Variants in ZNF28 observed in about 807,000 individuals in gnomAD.
ZNF28 encodes zinc finger protein KOX24.
ZNF28 carries 5 observed loss-of-function variants against 7.2 expected under a neutral mutation model. That is an observed-to-expected ratio of 0.70 (90% CI 0.36 to 1.46). The LOEUF (loss-of-function observed/expected upper bound fraction) is 1.46. Ranked by LOEUF, ZNF28 falls within the 40% of genes most tolerant of loss-of-function variation. The probability of loss-of-function intolerance (pLI) is 0.03; values close to 1 mark genes in which losing one functional copy is unlikely to be tolerated. For synonymous variants in ZNF28, 288 were observed against 292.4 expected (o/e 0.99, Z 0.15); for missense variants, 879 against 866.6 (o/e 1.01, Z -0.18).
Position 52,801,309 on chromosome 19 carries a change from C to A in ZNF28, c.536G>T (p.Arg179Ile). 1.9e-6 allele frequency: 3 copies of A among 1,614,076 alleles called. No homozygotes were observed. Among genetic ancestry groups the A allele is most frequent in the Non-Finnish European group, 2.5e-6 (3 of 1,180,004 alleles). ...ATGGGTTTTGGGCCTACAACAAATT[C>A]TTTGGGATGTTGAAACTGAGGAAGC... Reference protein sequence around the residue: ...NNASSVSTSQRICCRPKTHIS... With the variant: ...NNASSVSTSQIICCRPKTHIS... The change falls in exon 4 of 4, where the codon AGA becomes ATA. Residue 179 changes from arginine to isoleucine, a missense_variant. Arg to Ile is a moderately conservative substitution (Grantham distance 97). Coordinates refer to ENST00000457749, the MANE Select transcript of ZNF28 (RefSeq NM_006969.5).
intron 3 of ZNF28, among the ~76,000 whole-genome samples, chr19:52,804,791 C>G (rs1159312483): frequency 6.6e-6 from 1 of 152,208 alleles, no homozygotes. Context: ...AAAAGTGAGA[C>G]ATCACAGCTG....
chr19:52,811,783 G>A (rs1484004095), intron 2 of ZNF28, among the ~76,000 whole-genome samples: 10 of 148,620 alleles, frequency 6.7e-5, no homozygotes, highest in Admixed American at 3.3e-4. Flanking sequence ...CCCCCCGCCC[G>A]GCCAGCCGCC....
chr19:52,807,698 C>G (rs1215503370), intron 3 of ZNF28, among the ~76,000 whole-genome samples: 6 of 152,070 alleles, frequency 3.9e-5, no homozygotes, highest in Non-Finnish European at 7.4e-5. Flanking sequence ...TGGTTTTGAA[C>G]TCCTCACCCA....
At chr19:52,802,240 G>A (rs978327825) in intron 3 of ZNF28, among the ~76,000 whole-genome samples, 8 of 152,138 alleles carry the variant, frequency 5.3e-5, no homozygotes, top group African/African-American at 1.7e-4. Context: ...ATGGTGGCCC[G>A]TGCCTGTACT....
At position 52,817,950 on chromosome 19, in the gene ZNF28, A is replaced by T; in HGVS notation, c.9T>A (p.Leu3=). MA[L]PQGLLTFRDV... ...ACCGAGAATACCATCTCACCTGAGG[A>T]AGAGCCATCCCTGACTCCTTTGCTT... The change falls in exon 2 of 4, where the codon CTT becomes CTA. Residue 3 remains leucine (L), a synonymous_variant. Coordinates refer to ENST00000457749, the MANE Select transcript of ZNF28 (RefSeq NM_006969.5). The T allele has an allele frequency of 1.2e-6, 2 of 1,610,876 alleles. No homozygotes were observed. Among genetic ancestry groups the T allele is most frequent in the South Asian group, 1.1e-5 (1 of 91,062 alleles).
chr19:52,804,087 G>A (rs1179592626), intron 3 of ZNF28, among the ~76,000 whole-genome samples: 2 of 152,166 alleles, frequency 1.3e-5, no homozygotes, highest in Non-Finnish European at 2.9e-5. Context: ...TCATGAATAG[G>A]ACTAGTGCAT....
intron 2 of ZNF28, among the ~76,000 whole-genome samples, chr19:52,811,842 G>A (rs1457028006): frequency 6.8e-6 from 1 of 146,686 alleles, no homozygotes; most frequent in East Asian, 2.1e-4. Flanking sequence ...CTACTGGGAA[G>A]TGAGGACCCC....
At position 52,807,804 on chromosome 19, in the gene ZNF28, C is replaced by G. The variant is rs550318417; in HGVS notation, c.142+203G>C. Reference sequence around the variant, plus strand: ...ATAAAGTTTTATGCCTACTTTACTTCTGGAAGCTCCACTGAGCTATCATGA... The same window carrying G: ...ATAAAGTTTTATGCCTACTTTACTTGTGGAAGCTCCACTGAGCTATCATGA... On this transcript the variant is annotated intron_variant, in intron 3 of 3. Coordinates refer to ENST00000457749, the MANE Select transcript of ZNF28 (RefSeq NM_006969.5). 6.4e-6 allele frequency: 6 copies of G among 930,434 alleles called. No homozygotes were observed. The African/African-American group carries it at 6.7e-5, about 10-fold the overall frequency. 57.6% of individuals were successfully genotyped at this position (930,434 alleles called of 1,614,324 possible). A position where few individuals can be genotyped will look rare whatever the true frequency, so the allele number is the denominator to read the frequency against.
At chr19:52,820,145 C>T in intron 1 of ZNF28, among the ~76,000 whole-genome samples, 1 of 97,216 alleles carries the variant, frequency 1.0e-5, no homozygotes, top group East Asian at 2.7e-4. Flanking sequence ...GAGTCTCGCT[C>T]TGTCGTCCAG....
chr19:52,820,908 T>C (rs1486240851), intron 1 of ZNF28, among the ~76,000 whole-genome samples: 1 of 152,022 alleles, frequency 6.6e-6, no homozygotes, highest in Non-Finnish European at 1.5e-5. Context: ...TTAGTCCCTC[T>C]CTCTGTCTCC....
intron 1 of ZNF28, among the ~76,000 whole-genome samples, chr19:52,819,702 T>A (rs775020163): frequency 9.1e-5 from 13 of 142,672 alleles, no homozygotes; most frequent in Non-Finnish European, 1.8e-4. Context: ...TGGGATGGAC[T>A]GGTCTTATCA....
intron 3 of ZNF28, among the ~76,000 whole-genome samples, chr19:52,803,075 A>T (rs1374658792): frequency 6.7e-6 from 1 of 149,144 alleles, no homozygotes; most frequent in African/African-American, 2.5e-5. Context: ...TTTAAAAAAA[A>T]TTTTATGTAT....
In ZNF28 at chr19:52,801,238, T is replaced by C. The variant is rs1431469894; in HGVS notation, c.607A>G (p.Thr203Ala). The C allele has an allele frequency of 1.2e-6, 2 of 1,614,158 alleles. No individual in the cohort carries two copies. The highest frequency in any genetic ancestry group is 1.7e-6 in the Non-Finnish European group (2 of 1,180,028). Residue 203 changes from threonine to alanine, a missense_variant, in exon 4 of 4, where the codon ACA becomes GCA. Coordinates refer to ENST00000457749, the MANE Select transcript of ZNF28 (RefSeq NM_006969.5). ...GNNSLHSSLL[T>A]QKRNVHMREK... Reference sequence around the variant, plus strand: ...CTCATGTGTACATTCCGTTTTTGTGTGAGTAATGAAGAATGGAGGGAATTA... The same window carrying C: ...CTCATGTGTACATTCCGTTTTTGTGCGAGTAATGAAGAATGGAGGGAATTA...
chr19:52,803,438 C>T (rs956839310), intron 3 of ZNF28, among the ~76,000 whole-genome samples: 3 of 152,062 alleles, frequency 2.0e-5, no homozygotes, highest in Non-Finnish European at 4.4e-5. Context: ...ATACCGAAAA[C>T]TCACATATAA....
chr19:52,800,218 T>G lies in ZNF28; in HGVS notation c.1627A>C (p.Lys543Gln). 1 of 1,613,628 alleles carries G rather than the reference T, an allele frequency of 6.2e-7. No homozygotes were observed. Among genetic ancestry groups the G allele is most frequent in the Non-Finnish European group, 8.5e-7 (1 of 1,179,870 alleles). The part of the protein sequence containing the change: ...STKANLACHH[K>Q]LHTAEKPYKC... Reference sequence around the variant, plus strand: ...TACGGTTTCTCTGCAGTATGAAGTTTATGATGACATGCAAGGTTTGCTTTT... The same window carrying G: ...TACGGTTTCTCTGCAGTATGAAGTTGATGATGACATGCAAGGTTTGCTTTT... The change falls in exon 4 of 4, where the codon AAA (lysine) becomes CAA (glutamine). Residue 543 changes from lysine (K) to glutamine (Q), a missense_variant. Lys to Gln is a moderately conservative substitution (Grantham distance 53). Transcript: ENST00000457749.
chr19:52,801,070 C>A lies in ZNF28; in HGVS notation c.775G>T (p.Ala259Ser). The A allele has an allele frequency of 6.2e-7, 1 of 1,614,148 alleles. No individual in the cohort carries two copies. Among genetic ancestry groups the A allele is most frequent in the Non-Finnish European group, 8.5e-7 (1 of 1,180,034 alleles). ...GKVFNQKRYL[A>S]CHRRSHIDEK... Reference sequence around the variant, plus strand: ...TCAATGTGAGATCTACGATGGCATGCAAGGTATCGCTTCTGATTAAATACC... The same window carrying A: ...TCAATGTGAGATCTACGATGGCATGAAAGGTATCGCTTCTGATTAAATACC... Residue 259 changes from alanine to serine, a missense_variant, in exon 4 of 4, where the codon GCA becomes TCA. Ala to Ser is a moderately conservative substitution (Grantham distance 99, BLOSUM62 1). Transcript: ENST00000457749.
At chr19:52,806,325 C>T (rs577879642) in intron 3 of ZNF28, among the ~76,000 whole-genome samples, 28 of 152,118 alleles carry the variant, frequency 1.8e-4, no homozygotes, top group African/African-American at 6.7e-4. Context: ...TCCTGAGTAG[C>T]TTGGATTACA....
chr19:52,807,435 C>G (rs1372943363), intron 3 of ZNF28, among the ~76,000 whole-genome samples: 1 of 152,158 alleles, frequency 6.6e-6, no homozygotes, highest in Non-Finnish European at 1.5e-5. Flanking sequence ...GAGAAGCAAA[C>G]AGGGAACTGG....
Position 52,820,965 on chromosome 19 carries a change from C to T in ZNF28, c.-74+621G>A, listed in dbSNP as rs562780928. 1.1e-3 allele frequency among the ~76,000 whole-genome samples: 163 copies of T among 152,150 alleles called. 1 individual carries two copies. Among genetic ancestry groups the T allele is most frequent in the Middle Eastern group, 3.4e-3 (1 of 294 alleles). ...TCACACGAGGGTTTGGAGTAAGACA[C>T]CTGCATCTCGGAGAAGCGCATTTTC... On this transcript the variant is annotated intron_variant, in intron 1 of 3. Transcript: ENST00000457749.
Sources: allele counts gnomAD v4.1 joint callset (sites outside exome capture counted in the v4.1 genomes callset), GRCh38; gene constraint gnomAD v4.1.1; transcripts MANE v1.5; gene names NCBI Gene and HGNC (gene_info 2026-07-23, HGNC 2026-07-21).